Variants in SGCZ observed in about 807,000 individuals in gnomAD.
The protein encoded by SGCZ is zeta-sarcoglycan.
Under a neutral mutation model 41.3 loss-of-function variants are expected in SGCZ, and 40 were observed. The observed-to-expected ratio is 0.97, with a 90% CI of 0.75 to 1.26. The LOEUF is 1.26. SGCZ is among the 50% of genes most tolerant of loss of function. The pLI is 0.00. For missense variants in SGCZ, 552 were observed against 369.8 expected, an observed-to-expected ratio of 1.49 and a Z score of -4.04; for synonymous variants, 206 against 137.5, an observed-to-expected ratio of 1.50 and a Z score of -3.49.
At chr8:14,537,304 G>C (rs954403119) in intron 2 of SGCZ, among the ~76,000 whole-genome samples, 6 of 151,838 alleles carry the variant, frequency 4.0e-5, no homozygotes, top group African/African-American at 1.5e-4. Flanking sequence ...GGGTCGTCTA[G>C]TGCAGTATCA....
At chr8:14,221,524 C>T (rs967334140) in intron 4 of SGCZ, among the ~76,000 whole-genome samples, 11 of 152,182 alleles carry the variant, frequency 7.2e-5, no homozygotes, top group Admixed American at 2.0e-4. Context: ...GCAGCAGTAA[C>T]TTACATATTG....
At chr8:15,236,640 T>C (rs1159092938) in intron 1 of SGCZ, among the ~76,000 whole-genome samples, 2 of 151,984 alleles carry the variant, frequency 1.3e-5, no homozygotes, top group Non-Finnish European at 2.9e-5. Flanking sequence ...TTGTTGGTTT[T>C]TTAAAGTTTT....
intron 1 of SGCZ, among the ~76,000 whole-genome samples, chr8:15,069,528 C>A (rs1259099267): frequency 6.6e-6 from 1 of 152,180 alleles, no homozygotes; most frequent in Non-Finnish European, 1.5e-5. Context: ...CACCACCCAG[C>A]AGTATACTGG....
rs1224615110 is a variant in SGCZ at position 15,172,161 on chromosome 8, T to TTTTATTTATTTA, written c.39+65423_39+65424insTAAATAAATAAA. Among the ~76,000 whole-genome samples, 86 of 73,664 alleles carry TTTTATTTATTTA rather than the reference T, an allele frequency of 1.2e-3. 8 individuals carry two copies. The highest frequency in any genetic ancestry group is 2.0e-3 in the Non-Finnish European group (55 of 27,534). 48.3% of individuals were successfully genotyped at this position (73,664 alleles called of 152,430 possible). A position where few individuals can be genotyped will look rare whatever the true frequency, so the allele number is the denominator to read the frequency against. ...AAATGCCTTTTATACTCTGTTTTTT[T>TTTTATTTATTTA]TTTTTTTTTTTTTTTTTTGAGACGG... is the stretch of plus-strand genomic sequence containing the variant. On this transcript the variant is annotated intron_variant, in intron 1 of 7. Coordinates refer to ENST00000382080, the MANE Select transcript of SGCZ (RefSeq NM_139167.4).
intron 1 of SGCZ, among the ~76,000 whole-genome samples, chr8:15,133,743 A>T (rs1049198346): frequency 6.6e-6 from 1 of 152,238 alleles, no homozygotes; most frequent in Admixed American, 6.5e-5. Context: ...AACGAAGATA[A>T]TAAGAGTAGA....
At chr8:15,173,782 C>G (rs773984682) in intron 1 of SGCZ, among the ~76,000 whole-genome samples, 1 of 152,160 alleles carries the variant, frequency 6.6e-6, no homozygotes, top group Non-Finnish European at 1.5e-5. Flanking sequence ...AGACACCACC[C>G]AGGCTGAAAT....
At chr8:15,159,744 TCC>T (rs1235169959) in intron 1 of SGCZ, among the ~76,000 whole-genome samples, 2 of 4,982 alleles carry the variant, frequency 4.0e-4, no homozygotes, top group African/African-American at 8.7e-4. Flanking sequence ...CCCCCCACCC[TCC>T]CCCCCACCCC....
intron 1 of SGCZ, among the ~76,000 whole-genome samples, chr8:14,702,929 A>G (rs79440045): frequency 0.074 from 4,215 of 56,778 alleles, 161 homozygotes; most frequent in African/African-American, 0.18. Context: ...AGGTAGGTAG[A>G]TAGATAGATA....
At chr8:14,221,229 G>C (rs899103110) in intron 4 of SGCZ, among the ~76,000 whole-genome samples, 2 of 152,200 alleles carry the variant, frequency 1.3e-5, no homozygotes, top group Non-Finnish European at 2.9e-5. Context: ...GGGAGATTTG[G>C]TTCACTTCTA....
At chr8:14,249,350 A>C (rs1336115226) in intron 3 of SGCZ, among the ~76,000 whole-genome samples, 2 of 152,150 alleles carry the variant, frequency 1.3e-5, no homozygotes, top group East Asian at 3.9e-4. Flanking sequence ...TGGGTCTCCA[A>C]CTGGCTAACT....
chr8:14,312,592 T>A (rs1801584708), intron 3 of SGCZ, among the ~76,000 whole-genome samples: 1 of 151,906 alleles, frequency 6.6e-6, no homozygotes, highest in Non-Finnish European at 1.5e-5. Flanking sequence ...GAATAGCCAC[T>A]GCACTCTAGC....
At chr8:14,612,970 G>C (rs1011652458) in intron 1 of SGCZ, among the ~76,000 whole-genome samples, 1 of 152,210 alleles carries the variant, frequency 6.6e-6, no homozygotes, top group South Asian at 2.1e-4. Flanking sequence ...ACAGGCGTGA[G>C]CCACCATGCC....
chr8:14,551,792 T>A (rs1803877716), intron 2 of SGCZ, among the ~76,000 whole-genome samples: 2 of 148,138 alleles, frequency 1.4e-5, no homozygotes, highest in East Asian at 2.0e-4. Context: ...TAGAATAATT[T>A]TATTTTCTAA....
chr8:14,397,451 T>G (rs1798951061), intron 2 of SGCZ, among the ~76,000 whole-genome samples: 1 of 152,174 alleles, frequency 6.6e-6, no homozygotes, highest in Non-Finnish European at 1.5e-5. Context: ...ATTTTGTGCA[T>G]TACCATAAAA....
intron 2 of SGCZ, among the ~76,000 whole-genome samples, chr8:14,402,180 G>A (rs192194759): frequency 1.3e-5 from 2 of 152,150 alleles, no homozygotes; most frequent in East Asian, 1.9e-4. Context: ...TGTAGATTCT[G>A]GATATTAGCC....
chr8:14,316,815 A>ACACACG (rs1163619127), intron 3 of SGCZ, among the ~76,000 whole-genome samples: 13 of 5,204 alleles, frequency 2.5e-3, no homozygotes, highest in African/African-American at 4.6e-3. Context: ...TATTATAGAC[A>ACACACG]CACACACACA....
intron 1 of SGCZ, among the ~76,000 whole-genome samples, chr8:14,907,463 C>A (rs1262642371): frequency 1.3e-5 from 2 of 152,144 alleles, no homozygotes; most frequent in Admixed American, 1.3e-4. Flanking sequence ...GCTAGAATTG[C>A]AGGCATAAGC....
intron 2 of SGCZ, among the ~76,000 whole-genome samples, chr8:14,503,194 G>A (rs140177424): frequency 6.6e-6 from 1 of 152,028 alleles, no homozygotes; most frequent in East Asian, 1.9e-4. Flanking sequence ...ACTAACACAA[G>A]AACAGAAAGC....
intron 1 of SGCZ, among the ~76,000 whole-genome samples, chr8:15,017,722 T>C (rs1803091783): frequency 6.6e-6 from 1 of 152,016 alleles, no homozygotes; most frequent in African/African-American, 2.4e-5. Context: ...CCCAAGCTGG[T>C]CTCAAATTCC....
Sources: gnomAD v4.1 joint callset for allele counts (sites outside exome capture counted in the v4.1 genomes callset) on GRCh38, gnomAD v4.1.1 for gene constraint, MANE v1.5 for transcripts, NCBI Gene and HGNC (gene_info 2026-07-23, HGNC 2026-07-21) for gene names.